Variants in CATSPERD observed in about 807,000 individuals in gnomAD.
CATSPERD encodes cation channel sperm-associated auxiliary subunit delta.
CATSPERD carries 86 observed loss-of-function variants against 98.1 expected under a neutral mutation model. The ratio of observed to expected loss-of-function variants is 0.88; its 90% confidence interval spans 0.74 to 1.05. The LOEUF (loss-of-function observed/expected upper bound fraction) is 1.05, where lower values mean the gene tolerates loss of function less well. Ranked by LOEUF, CATSPERD falls within the 50% of genes least tolerant of loss-of-function variation. CATSPERD has a pLI of 0.00. For missense variants in CATSPERD, 995 were observed against 1,005.7 expected (o/e 0.99, Z 0.14); for synonymous variants, 394 against 390.2 (o/e 1.01, Z -0.12).
intron 7 of CATSPERD, among the ~76,000 whole-genome samples, chr19:5,742,147 C>A (rs536950141): frequency 9.3e-6 from 1 of 107,800 alleles, no homozygotes; most frequent in Non-Finnish European, 2.3e-5. Flanking sequence ...CGCGTGTGTA[C>A]GTGTGTGAAC....
intron 19 of CATSPERD, among the ~76,000 whole-genome samples, chr19:5,771,865 G>A (rs935596914): frequency 6.6e-6 from 1 of 152,092 alleles, no homozygotes; most frequent in South Asian, 2.1e-4. Context: ...CACCATACCT[G>A]GCCATCTTCC....
At chr19:5,733,361 CTCCT>C (rs1568343789) in intron 4 of CATSPERD, among the ~76,000 whole-genome samples, 1 of 86,178 alleles carries the variant, frequency 1.2e-5, no homozygotes, top group African/African-American at 4.3e-5. Context: ...CCTTCCTTCC[CTCCT>C]TCCTTCCTTC....
intron 8 of CATSPERD, among the ~76,000 whole-genome samples, chr19:5,744,896 C>T (rs145114796): frequency 8.6e-4 from 131 of 151,752 alleles, no homozygotes; most frequent in Non-Finnish European, 1.3e-3. Flanking sequence ...CCACGGCGCC[C>T]GGCATCGATA....
chr19:5,751,735 C>T lies in CATSPERD; in HGVS notation c.1076C>T (p.Thr359Ile). 1.9e-6 allele frequency: 3 copies of T among 1,613,924 alleles called. No individual in the cohort carries two copies. The highest frequency in any genetic ancestry group is 2.5e-6 in the Non-Finnish European group (3 of 1,179,972). ...TLEILTPLRD[T>I]AFPAFDFQKC... ...GAAATACTGACCCCACTGCGTGACA[C>T]AGCCTTTCCAGCTTTTGATTTCCAG... is the stretch of plus-strand genomic sequence containing the variant. Residue 359 changes from threonine to isoleucine, a missense_variant, in exon 12 of 22, where the codon ACA (threonine) becomes ATA (isoleucine). Around this residue, in one of 3 missense-constraint regions of CATSPERD, gnomAD observed 762 missense variants for 773.7 expected, o/e 0.98. Transcript: ENST00000381624.
chr19:5,771,769 C>T (rs1405719312), intron 19 of CATSPERD, among the ~76,000 whole-genome samples: 1 of 151,726 alleles, frequency 6.6e-6, no homozygotes, highest in South Asian at 2.1e-4. Context: ...TGGGGTTTTA[C>T]CATGTTGGTC....
chr19:5,768,350 A>AT, intron 18 of CATSPERD, 108 bp downstream of exon 18: 9 of 661,540 alleles, frequency 1.4e-5, no homozygotes, highest in Non-Finnish European at 1.7e-5. Context: ...ATTTATTATT[A>AT]TTATTGAGAT....
At chr19:5,721,038 G>T (rs535179270) in intron 1 of CATSPERD, among the ~76,000 whole-genome samples, 49 of 141,298 alleles carry the variant, frequency 3.5e-4, no homozygotes, top group African/African-American at 1.2e-3. Flanking sequence ...TCGCTCTGTC[G>T]CCCAGGCTGC....
intron 17 of CATSPERD, among the ~76,000 whole-genome samples, 168 bp from the exon 18 acceptor site, chr19:5,768,000 G>A (rs2056575065): frequency 6.6e-6 from 1 of 152,044 alleles, no homozygotes; most frequent in African/African-American, 2.4e-5. Flanking sequence ...GTTTCCTCAT[G>A]TTGGCCAGGC....
chr19:5,767,141 C>T (rs576608112), intron 17 of CATSPERD, among the ~76,000 whole-genome samples: 2 of 150,894 alleles, frequency 1.3e-5, no homozygotes, highest in South Asian at 4.2e-4. Flanking sequence ...CACAGTGAAA[C>T]CCCGTCTCTA....
intron 7 of CATSPERD, among the ~76,000 whole-genome samples, chr19:5,740,762 CAAAAAA>C (rs59937872): frequency 2.7e-5 from 1 of 36,490 alleles, no homozygotes; most frequent in Non-Finnish European, 5.6e-5. Context: ...AACTCCGTCT[CAAAAAA>C]AAAAAAAAAA....
At chr19:5,731,700 C>T (rs1003168618) in intron 4 of CATSPERD, among the ~76,000 whole-genome samples, 15 of 148,912 alleles carry the variant, frequency 1.0e-4, no homozygotes, top group Admixed American at 4.7e-4. Context: ...CTCAGCCTCC[C>T]GAGTAGCTGG....
chr19:5,775,102 A>C, intron 20 of CATSPERD: 1 of 361,384 alleles, frequency 2.8e-6, no homozygotes, highest in Non-Finnish European at 5.7e-6. Flanking sequence ...GAAGGCCTGA[A>C]AGCAGGCATG....
intron 1 of CATSPERD, 106 bp downstream of exon 1, chr19:5,720,914 T>C: frequency 1.1e-6 from 1 of 869,598 alleles, no homozygotes; most frequent in Non-Finnish European, 1.7e-6. Flanking sequence ...AGGCTCCCCT[T>C]TTACTCTTTT....
chr19:5,730,041 T>C, intron 4 of CATSPERD, 97 bp downstream of exon 4: 1 of 737,552 alleles, frequency 1.4e-6, no homozygotes, highest in South Asian at 2.0e-5. Context: ...TTTTTATTAG[T>C]TTAGAGGTTT....
At chr19:5,735,451 C>T (rs1172233519) in intron 5 of CATSPERD, among the ~76,000 whole-genome samples, 1 of 151,960 alleles carries the variant, frequency 6.6e-6, no homozygotes, top group African/African-American at 2.4e-5. Flanking sequence ...GCTGGGATTA[C>T]AGGCATGTGC....
chr19:5,776,766 C>T (rs375517563), intron 21 of CATSPERD, among the ~76,000 whole-genome samples: 3 of 151,554 alleles, frequency 2.0e-5, no homozygotes, highest in African/African-American at 4.8e-5. Flanking sequence ...CTCAGCTACT[C>T]GGGAGGCTGA....
intron 13 of CATSPERD, 128 bp downstream of exon 13, chr19:5,754,373 C>A (rs2056284261): frequency 1.9e-6 from 1 of 514,842 alleles, no homozygotes; most frequent in Non-Finnish European, 3.6e-6. Context: ...CACAATTCTG[C>A]ATAGAAATTG....
chr19:5,739,517 G>A (rs549447615), intron 7 of CATSPERD, 78 bp downstream of exon 7: 59 of 834,334 alleles, frequency 7.1e-5, no homozygotes, highest in South Asian at 5.3e-4. Context: ...CAATGGGTGC[G>A]TGAGGGTGTT....
At chr19:5,768,919 C>T (rs1321869366) in intron 18 of CATSPERD, among the ~76,000 whole-genome samples, 2 of 151,736 alleles carry the variant, frequency 1.3e-5, no homozygotes, top group East Asian at 1.9e-4. Context: ...TAATCCCTGC[C>T]GAGGTAGGCG....
Sources: allele counts gnomAD v4.1 joint callset (sites outside exome capture counted in the v4.1 genomes callset), GRCh38; gene constraint gnomAD v4.1.1; regional missense constraint gnomAD v4.1.1; transcripts MANE v1.5; gene names NCBI Gene and HGNC (gene_info 2026-07-23, HGNC 2026-07-21).